UIMC1: variants seen among roughly 807,000 people sequenced by gnomAD.
The protein encoded by UIMC1 is ubiquitin interaction motif containing 1.
UIMC1 carries 42 observed loss-of-function variants against 84.9 expected under a neutral mutation model. That is an observed-to-expected ratio of 0.49 (90% confidence interval 0.39 to 0.64). The LOEUF is 0.64. Among genes scored for constraint, UIMC1 ranks in the 30% least tolerant of loss-of-function variants. The pLI, the probability that UIMC1 is intolerant of heterozygous loss-of-function variation, is 0.00. For missense variants in UIMC1, 825 were observed against 847.6 expected (o/e 0.97, Z 0.33); for synonymous variants, 281 against 293.0 (o/e 0.96, Z 0.42).
At chr5:176,916,955 T>C (rs1362562327) in intron 10 of UIMC1, among the ~76,000 whole-genome samples, 1 of 152,212 alleles carries the variant, frequency 6.6e-6, no homozygotes, top group East Asian at 1.9e-4. Context: ...CCTAGTACTA[T>C]AAATTGTAAA....
rs540062017 is a variant in UIMC1 at position 176,992,363 on chromosome 5, G to A, written c.-8-9740C>T. Among the ~76,000 whole-genome samples, 7 of 151,942 alleles carry A rather than the reference G, an allele frequency of 4.6e-5. 2 individuals carry two copies. Among genetic ancestry groups the A allele is most frequent in the African/African-American group, 1.7e-4 (7 of 41,402 alleles). On this transcript the variant is annotated intron_variant, in intron 1 of 14. Transcript: ENST00000511320. The stretch of plus-strand genomic sequence containing the variant: ...GATTTGGCCAGGAATAGTGGCACAT[G>A]CCTGTAATCCCAGCACTTTGGGGAG...
At chr5:176,906,486 G>C (rs111821061) in intron 13 of UIMC1, among the ~76,000 whole-genome samples, 1 of 152,184 alleles carries the variant, frequency 6.6e-6, no homozygotes, top group East Asian at 1.9e-4. Flanking sequence ...TTAAGCAAAA[G>C]CTCCTCTTCC....
At position 176,955,956 on chromosome 5, in the gene UIMC1, T is replaced by G; in HGVS notation, c.1339+3A>C. ...TTCAGTAAAATCACAGTGGGGTACT[T>G]ACCAGGACAAACAGTGATTTCTTCT... On this transcript the variant is annotated splice_donor_region_variant and intron_variant, in intron 8 of 14. Transcript: ENST00000511320. 1 of 1,613,490 alleles carries G rather than the reference T, an allele frequency of 6.2e-7. No homozygotes were observed.
chr5:177,003,576 C>T (rs1774842533), intron 1 of UIMC1, among the ~76,000 whole-genome samples: 1 of 152,132 alleles, frequency 6.6e-6, no homozygotes, highest in African/African-American at 2.4e-5. Context: ...TCACTTGAAC[C>T]CGGGAAGCAG....
chr5:176,913,165 T>C (rs930845348), intron 10 of UIMC1, among the ~76,000 whole-genome samples: 6 of 152,232 alleles, frequency 3.9e-5, no homozygotes, highest in Non-Finnish European at 8.8e-5. Context: ...CCCACTAAAA[T>C]GCAACCATCA....
At position 176,969,164 on chromosome 5, in the gene UIMC1, G is replaced by A. The variant is rs375034662; in HGVS notation, c.591C>T (p.Ser197=). Residue 197 remains serine, a synonymous_variant, in exon 6 of 15, where the codon AGC becomes AGT. Coordinates refer to ENST00000511320, the MANE Select transcript of UIMC1 (RefSeq NM_001199298.2). ...EKTEEEPVSG[S]SGSWDQSSQP... is the part of the protein sequence containing the mutation. ...GGCTTGACTGGTCCCAGCTTCCTGA[G>A]CTGCCAGAGACCGGCTCCTCTTCAG... is the stretch of plus-strand genomic sequence containing the variant. 5.0e-6 allele frequency: 8 copies of A among 1,614,178 alleles called. No individual in the cohort carries two copies. Among genetic ancestry groups the A allele is most frequent in the Non-Finnish European group, 5.9e-6 (7 of 1,180,030 alleles).
At chr5:176,924,986 G>A (rs1009727609) in intron 10 of UIMC1, among the ~76,000 whole-genome samples, 12 of 149,318 alleles carry the variant, frequency 8.0e-5, no homozygotes, top group African/African-American at 2.5e-4. Context: ...AGCTGAGATC[G>A]TGCCACTGCA....
intron 2 of UIMC1, among the ~76,000 whole-genome samples, chr5:176,980,670 AT>A (rs568800990): frequency 1.1e-4 from 16 of 151,754 alleles, no homozygotes; most frequent in South Asian, 8.3e-4. Flanking sequence ...TATGTATACA[AT>A]TTTTTTTAAC....
chr5:176,947,670 T>G (rs1765306284), intron 9 of UIMC1, among the ~76,000 whole-genome samples: 1 of 151,510 alleles, frequency 6.6e-6, no homozygotes, highest in Admixed American at 6.6e-5. Flanking sequence ...CACAAAAAAT[T>G]AGCCAGGCGT....
chr5:176,923,537 G>C (rs1384655378), intron 10 of UIMC1, among the ~76,000 whole-genome samples: 1 of 134,072 alleles, frequency 7.5e-6, no homozygotes, highest in African/African-American at 2.8e-5. Context: ...GCAACACAGT[G>C]AGACTGTATC....
intron 1 of UIMC1, among the ~76,000 whole-genome samples, chr5:177,000,006 G>T (rs577766306): frequency 9.9e-5 from 15 of 152,008 alleles, no homozygotes; most frequent in Non-Finnish European, 1.5e-5. Flanking sequence ...TCACCCAGGC[G>T]GGAGTGCAGT....
chr5:176,978,154 G>A (rs1279320182), intron 2 of UIMC1, among the ~76,000 whole-genome samples: 12 of 151,918 alleles, frequency 7.9e-5, no homozygotes, highest in South Asian at 6.2e-4. Flanking sequence ...GACGGATCAC[G>A]AGGTCAGGAG....
chr5:176,950,299 C>G (rs913555628), intron 9 of UIMC1, among the ~76,000 whole-genome samples: 1 of 150,730 alleles, frequency 6.6e-6, no homozygotes, highest in East Asian at 2.1e-4. Flanking sequence ...ATGGTTTCAC[C>G]ATGTTGGCCA....
chr5:176,970,967 C>A, intron 3 of UIMC1, 101 bp from the exon 4 acceptor site: 1 of 1,417,422 alleles, frequency 7.1e-7, no homozygotes, highest in Non-Finnish European at 9.4e-7. Context: ...GAAGACACTA[C>A]CAGACCACTT....
At chr5:176,926,415 C>G (rs1762392372) in intron 10 of UIMC1, among the ~76,000 whole-genome samples, 1 of 152,082 alleles carries the variant, frequency 6.6e-6, no homozygotes, top group African/African-American at 2.4e-5. Context: ...AGAAGGATCT[C>G]TTGAGGTCAA....
At chr5:176,921,849 A>G (rs777308523) in intron 10 of UIMC1, among the ~76,000 whole-genome samples, 1 of 151,280 alleles carries the variant, frequency 6.6e-6, no homozygotes, top group South Asian at 2.1e-4. Flanking sequence ...CTCGTTCTCA[A>G]CCCCCCTATG....
chr5:177,008,081 G>A (rs1775446462), upstream of UIMC1, among the ~76,000 whole-genome samples: 1 of 151,392 alleles, frequency 6.6e-6, no homozygotes, highest in Admixed American at 6.6e-5. Flanking sequence ...CTCCAGCCTG[G>A]GTGACAGAGT....
At position 176,985,678 on chromosome 5, in the gene UIMC1, C is replaced by T. The variant is rs73341878; in HGVS notation, c.-8-3055G>A. On this transcript the variant is annotated intron_variant, in intron 1 of 14. Transcript: ENST00000511320. ...AGGGTGCAGTGGCATGATCGTAGCT[C>T]ACCACAGCCTCATCCTCCTTGGCTC... 9.0e-3 allele frequency among the ~76,000 whole-genome samples: 1,368 copies of T among 152,164 alleles called. 19 individuals carry two copies. The highest frequency in any genetic ancestry group is 0.031 in the African/African-American group (1,278 of 41,498).
At chr5:176,998,421 G>A (rs112176839) in intron 1 of UIMC1, among the ~76,000 whole-genome samples, 6 of 125,992 alleles carry the variant, frequency 4.8e-5, no homozygotes, top group East Asian at 2.5e-4. Context: ...CTGAGATTGC[G>A]CCACCACTGC....
Sources: gnomAD v4.1 joint callset for allele counts (sites outside exome capture counted in the v4.1 genomes callset) on GRCh38, gnomAD v4.1.1 for gene constraint, MANE v1.5 for transcripts, NCBI Gene and HGNC (gene_info 2026-07-23, HGNC 2026-07-21) for gene names.